Variants in ZRANB3 observed in about 807,000 individuals in gnomAD.
ZRANB3 encodes DNA annealing helicase and endonuclease ZRANB3.
In ZRANB3, 125 loss-of-function variants were observed where a neutral mutation model predicts 133.8. The observed-to-expected ratio is 0.93, with a 90% confidence interval of 0.81 to 1.08. The LOEUF is 1.08. Ranked by LOEUF, ZRANB3 falls within the 50% of genes least tolerant of loss-of-function variation. The pLI, the probability that ZRANB3 is intolerant of heterozygous loss-of-function variation, is 0.00. For synonymous variants in ZRANB3, 387 were observed against 432.7 expected, an observed-to-expected ratio of 0.89 and a Z score of 1.31; for missense variants, 1,229 against 1,275.5, an observed-to-expected ratio of 0.96 and a Z score of 0.56.
At chr2:135,322,033 T>C (rs1683550857) in intron 6 of ZRANB3, among the ~76,000 whole-genome samples, 1 of 152,162 alleles carries the variant, frequency 6.6e-6, no homozygotes, top group African/African-American at 2.4e-5. Flanking sequence ...ATACAATCCA[T>C]TTATCATTAA....
At chr2:135,353,227 A>C (rs962971157) in intron 4 of ZRANB3, 2 of 261,514 alleles carry the variant, frequency 7.6e-6, no homozygotes, top group African/African-American at 4.4e-5. Context: ...TACGTATTTT[A>C]CATTTACTTT....
At chr2:135,285,899 T>C (rs903941865) in intron 8 of ZRANB3, among the ~76,000 whole-genome samples, 10 of 152,234 alleles carry the variant, frequency 6.6e-5, no homozygotes, top group Admixed American at 5.9e-4. Context: ...TCATCCATTG[T>C]ATTCTCAACA....
intron 2 of ZRANB3, among the ~76,000 whole-genome samples, chr2:135,445,673 C>T (rs908285447): frequency 2.0e-5 from 3 of 147,810 alleles, no homozygotes; most frequent in Non-Finnish European, 3.0e-5. Context: ...GTCAGGAGTT[C>T]GAGACCAGCC....
chr2:135,207,172 AAATAAATAAATAAATAAAT>A (rs1054479708), intron 19 of ZRANB3, among the ~76,000 whole-genome samples: 10 of 149,972 alleles, frequency 6.7e-5, no homozygotes, highest in Non-Finnish European at 1.0e-4. Flanking sequence ...TCTCCAAAAT[AAATAAATAAATAAATAAAT>A]AATAAATAAA....
At chr2:135,493,026 G>C (rs954375570) in intron 2 of ZRANB3, among the ~76,000 whole-genome samples, 2 of 146,698 alleles carry the variant, frequency 1.4e-5, no homozygotes, top group Non-Finnish European at 3.0e-5. Flanking sequence ...GAAATAACTA[G>C]ATATTGGTAT....
At chr2:135,210,351 T>G (rs1311519135) in intron 17 of ZRANB3, among the ~76,000 whole-genome samples, 1 of 143,892 alleles carries the variant, frequency 6.9e-6, no homozygotes, top group African/African-American at 2.8e-5. Context: ...ATTTTATTTT[T>G]TGAGACAGGG....
At chr2:135,387,967 T>C (rs1258380511) in intron 3 of ZRANB3, among the ~76,000 whole-genome samples, 5 of 152,130 alleles carry the variant, frequency 3.3e-5, no homozygotes, top group African/African-American at 1.2e-4. Flanking sequence ...TGTTAGAGAA[T>C]ATAAGAGTTA....
intron 2 of ZRANB3, among the ~76,000 whole-genome samples, chr2:135,458,989 C>T (rs908536717): frequency 1.3e-5 from 2 of 152,154 alleles, no homozygotes; most frequent in Non-Finnish European, 2.9e-5. Context: ...ACCCAGGTCT[C>T]CTAACTCCCA....
chr2:135,299,473 C>T (rs1180896747), intron 8 of ZRANB3, among the ~76,000 whole-genome samples: 1 of 152,166 alleles, frequency 6.6e-6, no homozygotes, highest in Non-Finnish European at 1.5e-5. Context: ...TCCTTGAGCA[C>T]CATCCCCCTC....
At chr2:135,474,544 C>T (rs1336519196) in intron 2 of ZRANB3, among the ~76,000 whole-genome samples, 1 of 152,144 alleles carries the variant, frequency 6.6e-6, no homozygotes, top group African/African-American at 2.4e-5. Flanking sequence ...TCCTCTCTCT[C>T]TTGCTCCCTC....
chr2:135,271,973 G>A (rs915637756), intron 9 of ZRANB3, 86 bp from the exon 10 acceptor site: 29 of 1,331,560 alleles, frequency 2.2e-5, no homozygotes, highest in Non-Finnish European at 2.7e-5. Context: ...TATTTTTATG[G>A]TCACATAACA....
At chr2:135,251,518 G>A (rs964727225) in intron 12 of ZRANB3, among the ~76,000 whole-genome samples, 1 of 152,162 alleles carries the variant, frequency 6.6e-6, no homozygotes, top group Non-Finnish European at 1.5e-5. Context: ...ATTCCCATGT[G>A]TTGTGGGAGG....
intron 1 of ZRANB3, among the ~76,000 whole-genome samples, chr2:135,513,134 A>C (rs1693543268): frequency 6.6e-6 from 1 of 152,208 alleles, no homozygotes; most frequent in Admixed American, 6.5e-5. Flanking sequence ...TAAAAGACTA[A>C]GACACCAAGA....
At chr2:135,246,439 T>G (rs1477483579) in intron 12 of ZRANB3, among the ~76,000 whole-genome samples, 2 of 152,214 alleles carry the variant, frequency 1.3e-5, no homozygotes, top group African/African-American at 2.4e-5. Flanking sequence ...CAGCTGTTAG[T>G]AGATTCACTG....
At chr2:135,472,497 CAAAAAAA>C (rs35241215) in intron 2 of ZRANB3, among the ~76,000 whole-genome samples, 2 of 62,002 alleles carry the variant, frequency 3.2e-5, no homozygotes, top group Non-Finnish European at 7.5e-5. Flanking sequence ...GACTCGGTCT[CAAAAAAA>C]AAAAAAAAAA....
At chr2:135,272,235 C>T (rs1273115166) in intron 9 of ZRANB3, among the ~76,000 whole-genome samples, 5 of 152,020 alleles carry the variant, frequency 3.3e-5, no homozygotes, top group South Asian at 2.1e-4. Context: ...TAAATTGACA[C>T]GCAAACTTTA....
intron 3 of ZRANB3, among the ~76,000 whole-genome samples, chr2:135,379,504 T>C (rs771272893): frequency 3.9e-5 from 6 of 152,342 alleles, no homozygotes; most frequent in African/African-American, 1.2e-4. Flanking sequence ...CGGCATCTTC[T>C]AGTTATATGT....
At chr2:135,353,220 G>A (rs565570932) in intron 4 of ZRANB3, 48 of 240,574 alleles carry the variant, frequency 2.0e-4, no homozygotes, top group East Asian at 1.1e-3. Context: ...AAAAGTATAC[G>A]TATTTTACAT....
chr2:135,273,719 T>C (rs995146170), intron 9 of ZRANB3, among the ~76,000 whole-genome samples: 1 of 152,078 alleles, frequency 6.6e-6, no homozygotes, highest in Non-Finnish European at 1.5e-5. Context: ...TTATTTTTAG[T>C]AGAGACAGAG....
Sources: gnomAD v4.1 joint callset for allele counts (sites outside exome capture counted in the v4.1 genomes callset) on GRCh38, gnomAD v4.1.1 for gene constraint, MANE v1.5 for transcripts, NCBI Gene and HGNC (gene_info 2026-07-23, HGNC 2026-07-21) for gene names.